TCF25: variants seen among roughly 807,000 people sequenced by gnomAD.
TCF25 encodes the protein TCF25 ribosome quality control complex subunit.
A neutral mutation model predicts 83.1 loss-of-function variants in TCF25; 41 were observed. The observed-to-expected ratio is 0.49, with a 90% CI of 0.38 to 0.64. The LOEUF (loss-of-function observed/expected upper bound fraction) is 0.64. Ranked by LOEUF, TCF25 falls within the 30% of genes least tolerant of loss-of-function variation. TCF25 has a pLI of 0.00. For missense variants in TCF25, 979 were observed against 914.5 expected, an observed-to-expected ratio of 1.07 and a Z score of -0.91; for synonymous variants, 458 against 365.0, an observed-to-expected ratio of 1.25 and a Z score of -2.90.
At position 89,882,314 on chromosome 16, in the gene TCF25, C is replaced by T. The variant is rs375471731; in HGVS notation, c.193-1037C>T. On this transcript the variant is annotated intron_variant, in intron 1 of 17. Coordinates refer to ENST00000263346, the MANE Select transcript of TCF25 (RefSeq NM_014972.3). ...CTTTGGGAGGCTGAGGCAGGAGGATCGCTTGAGGTCAGGAGCTCAAGACCA... is the reference window on the plus strand; with the variant it reads ...CTTTGGGAGGCTGAGGCAGGAGGATTGCTTGAGGTCAGGAGCTCAAGACCA... Among the ~76,000 whole-genome samples, 37 of 151,890 alleles carry T rather than the reference C, an allele frequency of 2.4e-4. No individual in the cohort carries two copies. The South Asian group carries it at 3.1e-3, about 13-fold the overall frequency.
rs76048225 is a variant in TCF25 at position 89,900,815 on chromosome 16, G to A, written c.1381+21G>A. The A allele has an allele frequency of 6.3e-3, 9,864 of 1,554,352 alleles. 299 individuals are homozygous for A. The South Asian group carries it at 0.072, about 11-fold the overall frequency. On this transcript the variant is annotated intron_variant, in intron 12 of 17. Coordinates refer to ENST00000263346, the MANE Select transcript of TCF25 (RefSeq NM_014972.3). ...TGGAGGTGAGTGAGCGCTGTGTCTCGCCTGGGGTAGGGGTGTGTCCTGTCA... is the reference window on the plus strand; with the variant it reads ...TGGAGGTGAGTGAGCGCTGTGTCTCACCTGGGGTAGGGGTGTGTCCTGTCA...
At chr16:89,891,901 T>C (rs1455475647) in intron 5 of TCF25, among the ~76,000 whole-genome samples, 1 of 151,900 alleles carries the variant, frequency 6.6e-6, no homozygotes, top group African/African-American at 2.4e-5. Flanking sequence ...AACTCCTGGG[T>C]TCAAGAAATT....
Position 89,898,589 on chromosome 16 carries a change from G to C in TCF25, c.1055G>C (p.Ser352Thr), listed in dbSNP as rs2044068005. 8 of 1,607,922 alleles carry C rather than the reference G, an allele frequency of 5.0e-6. No homozygotes were observed. Residue 352 changes from serine (S) to threonine (T), a missense_variant, in exon 10 of 18, where the codon AGC becomes ACC. By Grantham distance (58) the Ser-to-Thr change is moderately conservative. Coordinates refer to ENST00000263346, the MANE Select transcript of TCF25 (RefSeq NM_014972.3). ...TACCTGGCCCTCTACAAGCAGATGA[G>C]CTTCCTGGAGAAGCGAGGCTGCCCG... ...SFYLALYKQM[S>T]FLEKRGCPRT...
chr16:89,881,632 A>G (rs558316832), intron 1 of TCF25, among the ~76,000 whole-genome samples: 6 of 151,802 alleles, frequency 4.0e-5, no homozygotes, highest in African/African-American at 1.2e-4. Context: ...TTTTGTAGAG[A>G]TGGGGTCTCA....
intron 7 of TCF25, 94 bp from the exon 8 acceptor site, chr16:89,894,944 C>A: frequency 8.8e-7 from 1 of 1,131,820 alleles, no homozygotes. Flanking sequence ...TGCGCCCAGC[C>A]TCCGCTGGTT....
chr16:89,878,028 A>AT (rs762856681), intron 1 of TCF25, among the ~76,000 whole-genome samples: 3 of 152,176 alleles, frequency 2.0e-5, no homozygotes, highest in Non-Finnish European at 4.4e-5. Context: ...CTGTAATCCC[A>AT]TCACTTTGGG....
chr16:89,900,417 C>T (rs1283700169), intron 11 of TCF25, among the ~76,000 whole-genome samples: 1 of 152,034 alleles, frequency 6.6e-6, no homozygotes, highest in Non-Finnish European at 1.5e-5. Context: ...GTCTACTTCT[C>T]AGGCCCTCCC....
intron 1 of TCF25, among the ~76,000 whole-genome samples, chr16:89,883,126 C>T (rs1457777002): frequency 6.6e-6 from 1 of 151,888 alleles, no homozygotes; most frequent in Non-Finnish European, 1.5e-5. Context: ...CCCATAGCCT[C>T]GGGGCCCCGG....
intron 1 of TCF25, among the ~76,000 whole-genome samples, chr16:89,875,671 C>G (rs1040093630): frequency 6.6e-6 from 1 of 151,228 alleles, no homozygotes; most frequent in Non-Finnish European, 1.5e-5. Flanking sequence ...CACAGGCGCC[C>G]GCCACCACGC....
At chr16:89,908,058 GC>G (rs1567743906) in intron 16 of TCF25, among the ~76,000 whole-genome samples, 1 of 37,938 alleles carries the variant, frequency 2.6e-5, no homozygotes, top group Non-Finnish European at 5.0e-5. Flanking sequence ...CCCAGCTCCC[GC>G]CTCCCACCTT....
chr16:89,883,341 G>C lies in TCF25; in HGVS notation c.193-10G>C, dbSNP rs757608034. ...TAACGCCCTGGCTCTTCTCCAACCT[G>C]TTTTTCCAGATAAACATTGACGATC... On this transcript the variant is annotated splice_polypyrimidine_tract_variant and intron_variant, in intron 1 of 17. Coordinates refer to ENST00000263346, the MANE Select transcript of TCF25 (RefSeq NM_014972.3). The C allele has an allele frequency of 1.9e-6, 3 of 1,612,470 alleles. No individual in the cohort carries two copies. Among genetic ancestry groups the C allele is most frequent in the Non-Finnish European group, 2.5e-6 (3 of 1,178,574 alleles).
chr16:89,910,172 C>A, intron 16 of TCF25: 2 of 189,626 alleles, frequency 1.1e-5, no homozygotes, highest in South Asian at 2.0e-4. Flanking sequence ...AGAGCCGGGC[C>A]GGTAGCCCTT....
rs1214162248 is a variant in TCF25, at chr16:89,902,606, A to G, written c.1382-1512A>G. 3.6e-4 allele frequency among the ~76,000 whole-genome samples: 53 copies of G among 147,162 alleles called. 2 individuals carry two copies. Among genetic ancestry groups the G allele is most frequent in the African/African-American group, 5.1e-4 (21 of 40,834 alleles). On this transcript the variant is annotated intron_variant, in intron 12 of 17. Coordinates refer to ENST00000263346, the MANE Select transcript of TCF25 (RefSeq NM_014972.3). ...TGGGAGGCTGAGGCAGGAGAATGGC[A>G]TGAACCCAGGAGGCAGAGCTTGCAG...
chr16:89,910,859 C>T (rs749267682), intron 17 of TCF25, among the ~76,000 whole-genome samples, 196 bp downstream of exon 17: 1 of 152,258 alleles, frequency 6.6e-6, no homozygotes, highest in Non-Finnish European at 1.5e-5. Flanking sequence ...GTAGCAGATG[C>T]AGGGCCGTGA....
chr16:89,898,108 CAAAA>C (rs34317886), intron 9 of TCF25, among the ~76,000 whole-genome samples: 4 of 115,272 alleles, frequency 3.5e-5, no homozygotes, highest in Non-Finnish European at 7.6e-5. Context: ...GACTCCGTCT[CAAAA>C]AAAAAAAAAA....
chr16:89,874,299 A>G (rs1597237610), intron 1 of TCF25, among the ~76,000 whole-genome samples: 1 of 92,318 alleles, frequency 1.1e-5, no homozygotes, highest in Admixed American at 1.5e-4. Context: ...GTGACGCTAA[A>G]GGGCGTGGCT....
chr16:89,891,532 G>A (rs942892035), intron 5 of TCF25, among the ~76,000 whole-genome samples: 31 of 152,196 alleles, frequency 2.0e-4, no homozygotes, highest in African/African-American at 7.0e-4. Flanking sequence ...TGGTGCCTGT[G>A]TGCTCAGGCA....
Position 89,873,769 on chromosome 16 carries a change from GGAA to G in TCF25, c.110_112del (p.Glu37del), listed in dbSNP as rs762505967. 21 of 1,610,654 alleles carry G rather than the reference GGAA, an allele frequency of 1.3e-5. No individual in the cohort carries two copies. The highest frequency in any genetic ancestry group is 2.7e-5 in the African/African-American group (2 of 74,636). ...TCGATCTCCGTGATGACGATGACGC[GGAA>G]GAAGAAGGGCCCAAGCGGGAGCTTG... is the stretch of plus-strand genomic sequence containing the variant. On this transcript the variant is annotated inframe_deletion, in exon 1 of 18. Coordinates refer to ENST00000263346, the MANE Select transcript of TCF25 (RefSeq NM_014972.3).
chr16:89,895,153 C>CA lies in TCF25; in HGVS notation c.928+17dup. The CA allele has an allele frequency of 6.2e-7, 1 of 1,608,626 alleles. No homozygotes were observed. The highest frequency in any genetic ancestry group is 8.5e-7 in the Non-Finnish European group (1 of 1,176,852). ...GACCTCGTAGGTAAGGCAGAGCCCCCACCCCATTCCCCTCAGCTGTGGGAG... is the reference window on the plus strand; with the variant it reads ...GACCTCGTAGGTAAGGCAGAGCCCCCAACCCCATTCCCCTCAGCTGTGGGAG... On this transcript the variant is annotated intron_variant, in intron 8 of 17. Transcript: ENST00000263346.
Sources: allele counts gnomAD v4.1 joint callset (sites outside exome capture counted in the v4.1 genomes callset), GRCh38; gene constraint gnomAD v4.1.1; transcripts MANE v1.5; gene names NCBI Gene and HGNC (gene_info 2026-07-23, HGNC 2026-07-21).